The following SEPTIN9 variants were observed in gnomAD, a reference collection of about 807,000 sequenced individuals.
SEPTIN9 encodes septin-9.
Under a neutral mutation model 56.6 loss-of-function variants are expected in SEPTIN9, and 13 were observed. The observed-to-expected ratio is 0.23, with a 90% CI of 0.15 to 0.37. SEPTIN9 has a LOEUF of 0.37. Ranked by LOEUF, SEPTIN9 falls within the 10% of genes least tolerant of loss-of-function variation. The pLI is 1.00. For synonymous variants in SEPTIN9, 332 were observed against 334.1 expected (o/e 0.99, Z 0.07); for missense variants, 650 against 823.1 (o/e 0.79, Z 2.57).
chr17:77,344,430 G>A (rs192285712), intron 2 of SEPTIN9, among the ~76,000 whole-genome samples: 2 of 152,346 alleles, frequency 1.3e-5, no homozygotes, highest in East Asian at 3.9e-4. Flanking sequence ...TGGTGCAGCT[G>A]CTGTGGAAAA....
At chr17:77,495,352 CA>C (rs1248920858) in intron 10 of SEPTIN9, among the ~76,000 whole-genome samples, 6 of 152,214 alleles carry the variant, frequency 3.9e-5, no homozygotes, top group African/African-American at 1.2e-4. Context: ...GTTTTTATAT[CA>C]GGGGCCCCAT....
At chr17:77,455,870 C>T (rs1264997829) in intron 3 of SEPTIN9, among the ~76,000 whole-genome samples, 2 of 152,230 alleles carry the variant, frequency 1.3e-5, no homozygotes, top group Admixed American at 1.3e-4. Context: ...TCACAAGAAT[C>T]TCCATTCTCC....
Position 77,323,331 on chromosome 17 carries a change from C to T in SEPTIN9, c.76+16134C>T, listed in dbSNP as rs889023470. 6.6e-6 allele frequency among the ~76,000 whole-genome samples: 1 copy of T among 152,124 alleles called. No individual in the cohort carries two copies. Among genetic ancestry groups the T allele is most frequent in the African/African-American group, 2.4e-5 (1 of 41,416 alleles). ...GAGCTTTTTTTTTGTTCTGGAACGG[C>T]TTTGTGGCTTTTACAAATTAAGCAG... On this transcript the variant is annotated intron_variant, in intron 2 of 11. Coordinates refer to ENST00000427177, the MANE Select transcript of SEPTIN9 (RefSeq NM_001113491.2). This position sits in a 1 kb window ranked among gnomAD's most constrained non-coding sequence, Gnocchi z 6.8.
At chr17:77,302,901 C>T (rs980201409) in intron 1 of SEPTIN9, among the ~76,000 whole-genome samples, 5 of 152,038 alleles carry the variant, frequency 3.3e-5, no homozygotes, top group Non-Finnish European at 7.4e-5. Context: ...ACAGGGCGCC[C>T]TAAGTTTGCT....
intron 2 of SEPTIN9, among the ~76,000 whole-genome samples, chr17:77,324,219 C>A (rs2033048752): frequency 6.6e-6 from 1 of 152,188 alleles, no homozygotes; most frequent in African/African-American, 2.4e-5. Context: ...CAAAATGGTC[C>A]CATCTCAAGA....
chr17:77,413,171 A>C (rs1175202436), intron 3 of SEPTIN9, among the ~76,000 whole-genome samples: 2 of 151,802 alleles, frequency 1.3e-5, no homozygotes, highest in Non-Finnish European at 2.9e-5. Context: ...TAGCAAAAAC[A>C]ATTTGGATGC....
intron 2 of SEPTIN9, among the ~76,000 whole-genome samples, chr17:77,347,169 G>A (rs889219577): frequency 6.6e-6 from 1 of 152,120 alleles, no homozygotes; most frequent in Non-Finnish European, 1.5e-5. Flanking sequence ...CCTGAGGTCA[G>A]GAGTTTGAGA....
At chr17:77,460,338 C>G (rs1393452582) in intron 3 of SEPTIN9, among the ~76,000 whole-genome samples, 1 of 152,104 alleles carries the variant, frequency 6.6e-6, no homozygotes, top group African/African-American at 2.4e-5. Context: ...GTGTGCCGTG[C>G]TGGGCTGGCT....
intron 2 of SEPTIN9, among the ~76,000 whole-genome samples, chr17:77,363,376 TGTC>T (rs1439940699): frequency 1.5e-5 from 2 of 130,476 alleles, no homozygotes; most frequent in Non-Finnish European, 3.2e-5. Context: ...GCCTTGGGCC[TGTC>T]TTTTTTTTTT....
At chr17:77,446,962 A>G (rs1001219393) in intron 3 of SEPTIN9, 5 of 167,178 alleles carry the variant, frequency 3.0e-5, no homozygotes, top group African/African-American at 9.6e-5. Context: ...AACACTGAGT[A>G]CATTCACAGT....
At chr17:77,458,756 T>C (rs1445336068) in intron 3 of SEPTIN9, among the ~76,000 whole-genome samples, 1 of 152,142 alleles carries the variant, frequency 6.6e-6, no homozygotes, top group African/African-American at 2.4e-5. Context: ...AAGATGGGCA[T>C]TCCTGAAGTT....
At chr17:77,455,675 G>GTC (rs1291566293) in intron 3 of SEPTIN9, among the ~76,000 whole-genome samples, 3 of 152,116 alleles carry the variant, frequency 2.0e-5, no homozygotes, top group African/African-American at 4.8e-5. Flanking sequence ...TGATGGTGCC[G>GTC]TCTCTCTCTC....
At chr17:77,397,225 G>A (rs1380890325) in intron 2 of SEPTIN9, among the ~76,000 whole-genome samples, 1 of 152,144 alleles carries the variant, frequency 6.6e-6, no homozygotes, top group African/African-American at 2.4e-5. Context: ...CCGACAGCTC[G>A]AGGGGAGGAC....
At chr17:77,365,014 C>G (rs2034530212) in intron 2 of SEPTIN9, among the ~76,000 whole-genome samples, 1 of 152,224 alleles carries the variant, frequency 6.6e-6, no homozygotes, top group Non-Finnish European at 1.5e-5. Context: ...AGCATCGGGT[C>G]TTTGTTAGAG....
chr17:77,466,330 G>T (rs2038724991), intron 3 of SEPTIN9: 1 of 957,500 alleles, frequency 1.0e-6, no homozygotes, highest in African/African-American at 1.8e-5. Flanking sequence ...GTCAGGCCCG[G>T]GCCAGGCCCC....
intron 3 of SEPTIN9, among the ~76,000 whole-genome samples, chr17:77,409,105 T>C (rs944733035): frequency 1.3e-5 from 2 of 152,080 alleles, no homozygotes; most frequent in Non-Finnish European, 2.9e-5. Flanking sequence ...AAGGTCCCGC[T>C]GCTCCCACCT....
chr17:77,316,767 T>G (rs1394674153), intron 2 of SEPTIN9, among the ~76,000 whole-genome samples: 1 of 151,622 alleles, frequency 6.6e-6, no homozygotes, highest in Non-Finnish European at 1.5e-5. Context: ...GGTGCAGTAG[T>G]GCAATTATAG....
chr17:77,364,500 G>A (rs2034514581), intron 2 of SEPTIN9, among the ~76,000 whole-genome samples: 1 of 152,260 alleles, frequency 6.6e-6, no homozygotes, highest in African/African-American at 2.4e-5. Context: ...CCTCTTTGGA[G>A]TGTGCTGGGC....
rs1298424821 is a variant in SEPTIN9 at position 77,327,312 on chromosome 17, C to T, written c.76+20115C>T. ...CCTTGCTCACTCCAGCTTCCTGGCC[C>T]GTCTCTTGCTCTGGGCACCCCCCCA... On this transcript the variant is annotated intron_variant, in intron 2 of 11. Coordinates refer to ENST00000427177, the MANE Select transcript of SEPTIN9 (RefSeq NM_001113491.2). The surrounding 1 kb of genome is among the most constrained non-coding windows in gnomAD (Gnocchi z 5.0). 6.6e-6 allele frequency among the ~76,000 whole-genome samples: 1 copy of T among 152,188 alleles called. No individual in the cohort carries two copies. Among genetic ancestry groups the T allele is most frequent in the Non-Finnish European group, 1.5e-5 (1 of 68,030 alleles).
Sources: gnomAD v4.1 joint callset for allele counts (sites outside exome capture counted in the v4.1 genomes callset) on GRCh38, gnomAD v4.1.1 for gene constraint, Gnocchi (gnomAD v3.1) non-coding constraint, MANE v1.5 for transcripts, NCBI Gene and HGNC (gene_info 2026-07-23, HGNC 2026-07-21) for gene names.